The following DPF3 variants were observed in gnomAD, a reference collection of about 807,000 sequenced individuals.
The protein encoded by DPF3 is double PHD fingers 3.
A neutral mutation model predicts 56.8 loss-of-function variants in DPF3; 18 were observed. The ratio of observed to expected loss-of-function variants is 0.32; its 90% CI spans 0.22 to 0.47. DPF3 has a LOEUF of 0.47. Among genes scored for constraint, DPF3 ranks in the 20% least tolerant of loss-of-function variants. The pLI, the probability that DPF3 is intolerant of heterozygous loss-of-function variation, is 1.00. For synonymous variants in DPF3, 188 were observed against 180.2 expected (o/e 1.04, Z -0.35); for missense variants, 403 against 488.8 (o/e 0.82, Z 1.65).
At chr14:72,674,071 TGA>T in intron 8 of DPF3, 167 bp downstream of exon 8, 1 of 1,106,670 alleles carries the variant, frequency 9.0e-7, no homozygotes, top group Non-Finnish European at 1.2e-6. Flanking sequence ...TTTTGGTTCT[TGA>T]GACCCAAAGA....
chr14:72,643,271 C>G (rs1346322725), intron 8 of DPF3, among the ~76,000 whole-genome samples: 7 of 152,216 alleles, frequency 4.6e-5, no homozygotes, highest in African/African-American at 1.7e-4. Context: ...GTCACTGACT[C>G]TCTCCATGCC....
At chr14:72,741,701 G>T (rs186502621) in intron 3 of DPF3, among the ~76,000 whole-genome samples, 14 of 152,368 alleles carry the variant, frequency 9.2e-5, no homozygotes, top group Non-Finnish European at 1.8e-4. Context: ...TGTACTATGT[G>T]CCAAGCCTCA....
chr14:72,714,117 CAG>C (rs1318344917), intron 6 of DPF3, among the ~76,000 whole-genome samples: 1 of 152,190 alleles, frequency 6.6e-6, no homozygotes, highest in East Asian at 1.9e-4. Context: ...TTAAAGGAGA[CAG>C]AGCGCGTGAG....
At chr14:72,645,501 T>C (rs573081697) in intron 8 of DPF3, among the ~76,000 whole-genome samples, 78 of 152,228 alleles carry the variant, frequency 5.1e-4, no homozygotes, top group African/African-American at 1.7e-3. Context: ...TTAAATTTTA[T>C]ATAGAGATGG....
chr14:72,786,476 G>A (rs1295485826), intron 1 of DPF3, among the ~76,000 whole-genome samples: 4 of 152,194 alleles, frequency 2.6e-5, no homozygotes, highest in African/African-American at 4.8e-5. Flanking sequence ...GGCAAGCCAT[G>A]CCCATCCGTT....
chr14:72,657,612 G>A (rs1886093011), intron 8 of DPF3, among the ~76,000 whole-genome samples: 1 of 152,044 alleles, frequency 6.6e-6, no homozygotes, highest in Admixed American at 6.5e-5. Flanking sequence ...CTGAAGCTTA[G>A]AAAATGCCCT....
chr14:72,874,539 C>G (rs1410548704), intron 1 of DPF3, among the ~76,000 whole-genome samples: 1 of 152,050 alleles, frequency 6.6e-6, no homozygotes, highest in Non-Finnish European at 1.5e-5. Flanking sequence ...TCATCTCTCT[C>G]AAGTTCAAAG....
intron 8 of DPF3, among the ~76,000 whole-genome samples, chr14:72,631,755 G>A (rs1885183146): frequency 6.6e-6 from 1 of 152,224 alleles, no homozygotes; most frequent in Admixed American, 6.5e-5. Context: ...TAGCCAAAGA[G>A]GCCTCAGATT....
chr14:72,619,988 G>A lies in DPF3; in HGVS notation c.985-4C>T. On this transcript the variant is annotated splice_region_variant and splice_polypyrimidine_tract_variant and intron_variant, in intron 9 of 10. Transcript: ENST00000556509. ...CATCGCAGAAGAGTAGCTGGTCCTG[G>A]TGGAACACAGAGTAAGCACAGAGGA... 1.3e-6 allele frequency: 2 copies of A among 1,533,402 alleles called. No homozygotes were observed. The highest frequency in any genetic ancestry group is 1.7e-6 in the Non-Finnish European group (2 of 1,145,422). 95.0% of individuals were successfully genotyped at this position (1,533,402 alleles called of 1,614,324 possible).
At chr14:72,768,218 A>G (rs1192322224) in intron 2 of DPF3, among the ~76,000 whole-genome samples, 2 of 152,222 alleles carry the variant, frequency 1.3e-5, no homozygotes, top group Non-Finnish European at 2.9e-5. Context: ...AAGAAAAACA[A>G]CGAAGGAGTA....
At chr14:72,693,423 G>A (rs1887783763) in intron 6 of DPF3, among the ~76,000 whole-genome samples, 1 of 152,044 alleles carries the variant, frequency 6.6e-6, no homozygotes, top group South Asian at 2.1e-4. Flanking sequence ...AACTGTAAAA[G>A]TAAAATATGA....
intron 1 of DPF3, among the ~76,000 whole-genome samples, chr14:72,875,683 A>AGAGCTTAC (rs1886084866): frequency 6.6e-6 from 1 of 152,180 alleles, no homozygotes; most frequent in Non-Finnish European, 1.5e-5. Flanking sequence ...CAAAGTGTGC[A>AGAGCTTAC]AAGCTTACAA....
At chr14:72,730,465 G>A (rs926954365) in intron 4 of DPF3, among the ~76,000 whole-genome samples, 2 of 152,132 alleles carry the variant, frequency 1.3e-5, no homozygotes, top group South Asian at 2.1e-4. Context: ...CGGAGAAGAA[G>A]GCCAAATTCT....
chr14:72,857,159 T>C (rs1885200049), intron 1 of DPF3, among the ~76,000 whole-genome samples: 1 of 152,076 alleles, frequency 6.6e-6, no homozygotes, highest in Non-Finnish European at 1.5e-5. Context: ...GAATAACTAT[T>C]TGCTAAGCTC....
chr14:72,699,077 G>C (rs1888039324), intron 6 of DPF3, among the ~76,000 whole-genome samples: 1 of 152,166 alleles, frequency 6.6e-6, no homozygotes, highest in African/African-American at 2.4e-5. Context: ...TTTGGAGCTG[G>C]CAGGGTGGCA....
intron 3 of DPF3, among the ~76,000 whole-genome samples, chr14:72,750,957 G>A (rs931749599): frequency 2.0e-5 from 3 of 152,152 alleles, no homozygotes; most frequent in East Asian, 3.9e-4. Flanking sequence ...CTGGGAGACC[G>A]AGGCAGGAGG....
At chr14:72,758,158 A>G (rs1890916149) in intron 2 of DPF3, among the ~76,000 whole-genome samples, 1 of 152,228 alleles carries the variant, frequency 6.6e-6, no homozygotes, top group Non-Finnish European at 1.5e-5. Flanking sequence ...TAAAATAAAA[A>G]GCATACATCC....
intron 4 of DPF3, chr14:72,731,586 G>C: frequency 1.8e-6 from 1 of 564,692 alleles, no homozygotes; most frequent in Non-Finnish European, 3.1e-6. Context: ...ACAGACAGAA[G>C]AGAGGGAAGG....
intron 3 of DPF3, among the ~76,000 whole-genome samples, chr14:72,740,925 G>C (rs1041759612): frequency 6.6e-6 from 1 of 152,144 alleles, no homozygotes; most frequent in Non-Finnish European, 1.5e-5. Context: ...GACAGAGCTG[G>C]GCATGGTGGC....
Sources: allele counts gnomAD v4.1 joint callset (sites outside exome capture counted in the v4.1 genomes callset), GRCh38; gene constraint gnomAD v4.1.1; transcripts MANE v1.5; gene names NCBI Gene and HGNC (gene_info 2026-07-23, HGNC 2026-07-21).